The following ERC2 variants were observed in gnomAD, a reference collection of about 807,000 sequenced individuals.
ERC2 encodes ERC protein 2.
ERC2 carries 42 observed loss-of-function variants against 114.8 expected under a neutral mutation model. The observed-to-expected ratio is 0.37, with a 90% CI of 0.29 to 0.47. The LOEUF (loss-of-function observed/expected upper bound fraction) is 0.47, where lower values mean the gene tolerates loss of function less well. Among genes scored for constraint, ERC2 ranks in the 20% least tolerant of loss-of-function variants. The pLI, the probability that ERC2 is intolerant of heterozygous loss-of-function variation, is 0.99. For missense variants in ERC2, 939 were observed against 1,150.7 expected (o/e 0.82, Z 2.66); for synonymous variants, 454 against 425.5 (o/e 1.07, Z -0.82).
At chr3:55,854,152 G>A (rs907942528) in intron 14 of ERC2, among the ~76,000 whole-genome samples, 2 of 152,126 alleles carry the variant, frequency 1.3e-5, no homozygotes, top group East Asian at 1.9e-4. Flanking sequence ...GCAGGCGCCT[G>A]TAGTCCCAGC....
intron 2 of ERC2, among the ~76,000 whole-genome samples, chr3:56,403,196 T>C (rs2060584966): frequency 6.6e-6 from 1 of 152,194 alleles, no homozygotes; most frequent in African/African-American, 2.4e-5. Context: ...TAAATACTAT[T>C]CTAATTTTCT....
At chr3:56,396,227 T>G (rs2060301420) in intron 2 of ERC2, among the ~76,000 whole-genome samples, 1 of 152,204 alleles carries the variant, frequency 6.6e-6, no homozygotes, top group South Asian at 2.1e-4. Flanking sequence ...CTTGCTCAAT[T>G]GGGTATTTGT....
chr3:55,900,758 A>T (rs923215270), intron 13 of ERC2, among the ~76,000 whole-genome samples: 7 of 152,170 alleles, frequency 4.6e-5, no homozygotes, highest in Non-Finnish European at 7.3e-5. Flanking sequence ...CTTCTCAAAC[A>T]CACAGTAGAT....
At chr3:55,953,580 G>A (rs1387543184) in intron 12 of ERC2, among the ~76,000 whole-genome samples, 2 of 152,180 alleles carry the variant, frequency 1.3e-5, no homozygotes, top group African/African-American at 2.4e-5. Context: ...AGGTAGGAAA[G>A]AAGCAAGAAG....
At chr3:55,660,880 T>C (rs919685068) in intron 17 of ERC2, among the ~76,000 whole-genome samples, 15 of 152,172 alleles carry the variant, frequency 9.9e-5, no homozygotes, top group African/African-American at 3.6e-4. Flanking sequence ...CATAAATCCT[T>C]GTAGGGCTGT....
At chr3:56,250,344 G>C (rs1458764265) in intron 3 of ERC2, among the ~76,000 whole-genome samples, 1 of 152,218 alleles carries the variant, frequency 6.6e-6, no homozygotes, top group African/African-American at 2.4e-5. Flanking sequence ...GAGTAGATCA[G>C]ATCATCACAC....
chr3:55,696,206 A>G (rs995126074), intron 16 of ERC2, among the ~76,000 whole-genome samples: 4 of 152,228 alleles, frequency 2.6e-5, no homozygotes, highest in Non-Finnish European at 5.9e-5. Flanking sequence ...GAATTACCTA[A>G]GGTAAAACGA....
At chr3:56,365,030 A>G (rs1004558151) in intron 2 of ERC2, among the ~76,000 whole-genome samples, 3 of 152,216 alleles carry the variant, frequency 2.0e-5, no homozygotes, top group African/African-American at 7.2e-5. Flanking sequence ...TTTACTTCAT[A>G]AGGTTATCAA....
chr3:55,719,774 C>T (rs540757222), intron 15 of ERC2, among the ~76,000 whole-genome samples: 17 of 152,202 alleles, frequency 1.1e-4, no homozygotes, highest in South Asian at 8.3e-4. Context: ...CTCAGGAACA[C>T]ACAGGCTTTT....
rs534479668 is a variant in ERC2, at chr3:55,903,017, T to A, written c.2404-14468A>T. Among the ~76,000 whole-genome samples, 2 of 152,372 alleles carry A rather than the reference T, an allele frequency of 1.3e-5. 1 individual carries two copies. Among genetic ancestry groups the A allele is most frequent in the Middle Eastern group, 6.8e-3 (2 of 294 alleles). ...GATTCATGGAAACATTCACTGTTCATCTGGGCAGAAACAAAACATACTCAC... is the reference window on the plus strand; with the variant it reads ...GATTCATGGAAACATTCACTGTTCAACTGGGCAGAAACAAAACATACTCAC... On this transcript the variant is annotated intron_variant, in intron 13 of 17. Coordinates refer to ENST00000288221, the MANE Select transcript of ERC2 (RefSeq NM_015576.3).
At chr3:55,646,473 ATGG>A (rs1433525709) in intron 17 of ERC2, among the ~76,000 whole-genome samples, 1 of 152,218 alleles carries the variant, frequency 6.6e-6, no homozygotes, top group Non-Finnish European at 1.5e-5. Context: ...GTAGAATAAA[ATGG>A]TGGAATTTAG....
At chr3:56,069,154 C>T (rs2149724690) in intron 7 of ERC2, among the ~76,000 whole-genome samples, 1 of 152,268 alleles carries the variant, frequency 6.6e-6, no homozygotes, top group South Asian at 2.1e-4. Context: ...AGGTCTCCCA[C>T]TATTATTGTG....
At chr3:56,209,030 C>A (rs1035500538) in intron 3 of ERC2, among the ~76,000 whole-genome samples, 1 of 152,142 alleles carries the variant, frequency 6.6e-6, no homozygotes, top group South Asian at 2.1e-4. Flanking sequence ...AATCTGATCA[C>A]TCCCCTCCTC....
chr3:55,673,228 T>C (rs1337415366), intron 17 of ERC2, among the ~76,000 whole-genome samples: 1 of 152,198 alleles, frequency 6.6e-6, no homozygotes, highest in East Asian at 1.9e-4. Context: ...CTGCAAGCCC[T>C]TCCTCTCTGA....
chr3:56,215,580 T>C (rs2049405307), intron 3 of ERC2, among the ~76,000 whole-genome samples: 1 of 152,142 alleles, frequency 6.6e-6, no homozygotes, highest in African/African-American at 2.4e-5. Flanking sequence ...ATTAGACAGA[T>C]CAATGGGACA....
chr3:56,256,985 G>A (rs1023097942), intron 3 of ERC2, among the ~76,000 whole-genome samples: 7 of 152,080 alleles, frequency 4.6e-5, no homozygotes, highest in Non-Finnish European at 8.8e-5. Context: ...GACTAATACA[G>A]GCCATATGTT....
chr3:55,837,633 T>TCTA (rs1370274643), intron 14 of ERC2, among the ~76,000 whole-genome samples: 19 of 150,412 alleles, frequency 1.3e-4, no homozygotes, highest in African/African-American at 4.6e-4. Flanking sequence ...GGGATAGCAT[T>TCTA]AGGAGATATA....
intron 3 of ERC2, among the ~76,000 whole-genome samples, chr3:56,286,414 CAAAAAAAAAAA>C (rs778645110): frequency 4.0e-4 from 12 of 30,334 alleles, no homozygotes; most frequent in South Asian, 4.4e-3. Flanking sequence ...AACTCCATCT[CAAAAAAAAAAA>C]AAAAAAAAAA....
chr3:55,551,890 C>G (rs757450716), intron 17 of ERC2, among the ~76,000 whole-genome samples: 3 of 152,206 alleles, frequency 2.0e-5, no homozygotes, highest in Non-Finnish European at 2.9e-5. Context: ...TTCTGTATAC[C>G]CATCACTCAG....
Sources: gnomAD v4.1 joint callset for allele counts (sites outside exome capture counted in the v4.1 genomes callset) on GRCh38, gnomAD v4.1.1 for gene constraint, MANE v1.5 for transcripts, NCBI Gene and HGNC (gene_info 2026-07-23, HGNC 2026-07-21) for gene names.